KDSR: variants seen among roughly 807,000 people sequenced by gnomAD.
KDSR encodes the protein 3-dehydrosphinganine reductase.
Under a neutral mutation model 41.3 loss-of-function variants are expected in KDSR, and 23 were observed. That is an observed-to-expected ratio of 0.56 (90% CI 0.40 to 0.79). The LOEUF (loss-of-function observed/expected upper bound fraction) is 0.79. Among genes scored for constraint, KDSR ranks in the 30% least tolerant of loss-of-function variants. KDSR has a pLI of 0.00. For missense variants in KDSR, 351 were observed against 416.8 expected, an observed-to-expected ratio of 0.84 and a Z score of 1.37; for synonymous variants, 138 against 151.7, an observed-to-expected ratio of 0.91 and a Z score of 0.66.
At chr18:63,337,905 G>A (rs572248585) in intron 8 of KDSR, among the ~76,000 whole-genome samples, 1 of 152,178 alleles carries the variant, frequency 6.6e-6, no homozygotes, top group South Asian at 2.1e-4. Flanking sequence ...TCCAGCCTGG[G>A]CAACAAGAGC....
At chr18:63,351,149 T>C in intron 5 of KDSR, 70 bp from the exon 6 acceptor site, 1 of 1,315,618 alleles carries the variant, frequency 7.6e-7, no homozygotes, top group Non-Finnish European at 1.0e-6. Flanking sequence ...TTTAGTCTGC[T>C]TTCTGGATTT....
At position 63,330,552 on chromosome 18, in the gene KDSR, T is replaced by C. The variant is rs1913949255; in HGVS notation, c.*1230A>G. 4.3e-6 allele frequency: 1 copy of C among 231,766 alleles called. No individual in the cohort carries two copies. The highest frequency in any genetic ancestry group is 8.5e-6 in the Non-Finnish European group (1 of 117,200). 14.4% of individuals were successfully genotyped at this position (231,766 alleles called of 1,614,324 possible). A position where few individuals can be genotyped will look rare whatever the true frequency, so the allele number is the denominator to read the frequency against. On this transcript the variant is annotated 3_prime_UTR_variant, in exon 10 of 10. Transcript: ENST00000645214. ...GAGTGGGCTTCCTTAGCATGTGGTA[T>C]AAAAATAATGTCTGCAGGTTCAGTG... is the stretch of plus-strand genomic sequence containing the variant.
At chr18:63,353,404 C>CA (rs1259079385) in intron 5 of KDSR, among the ~76,000 whole-genome samples, 4 of 152,034 alleles carry the variant, frequency 2.6e-5, no homozygotes, top group Non-Finnish European at 5.9e-5. Context: ...TAGCAGACCA[C>CA]AAAAAACTAA....
rs1913928205 is a variant in KDSR at position 63,329,982 on chromosome 18, C to T, written c.*1800G>A. ...ATTTATGAAACCATTCTGGCATCAA[C>T]CCATCCTTACAAGCTGCAATGAAAT... On this transcript the variant is annotated 3_prime_UTR_variant, in exon 10 of 10. Coordinates refer to ENST00000645214, the MANE Select transcript of KDSR (RefSeq NM_002035.4). 1 of 188,880 alleles carries T rather than the reference C, an allele frequency of 5.3e-6. No homozygotes were observed. The highest frequency in any genetic ancestry group is 2.3e-5 in the African/African-American group (1 of 42,844). 11.7% of individuals were successfully genotyped at this position (188,880 alleles called of 1,614,324 possible).
intron 6 of KDSR, among the ~76,000 whole-genome samples, chr18:63,348,160 A>C (rs968255725): frequency 2.6e-5 from 4 of 151,742 alleles, no homozygotes; most frequent in African/African-American, 9.7e-5. Flanking sequence ...AAACAAAAAA[A>C]CGGTGAGGCA....
intron 9 of KDSR, among the ~76,000 whole-genome samples, chr18:63,334,154 C>T (rs911517160): frequency 6.6e-6 from 1 of 152,158 alleles, no homozygotes; most frequent in African/African-American, 2.4e-5. Context: ...ATGGCAAAGA[C>T]AGTAGGTACA....
Position 63,329,376 on chromosome 18 carries a change from G to T in KDSR, c.*2406C>A, listed in dbSNP as rs1913904808. 1 of 208,894 alleles carries T rather than the reference G, an allele frequency of 4.8e-6. No individual in the cohort carries two copies. The allele number at this position is 208,894 out of a possible 1,614,324, so 12.9% of individuals were successfully genotyped here. On this transcript the variant is annotated 3_prime_UTR_variant, in exon 10 of 10. Transcript: ENST00000645214. ...TCAGGGAAAATTAAGTCACAATGAA[G>T]TAGCATAAATATAAAGTACAATACT...
intron 3 of KDSR, chr18:63,359,471 C>T: frequency 2.8e-6 from 1 of 354,388 alleles, no homozygotes; most frequent in Non-Finnish European, 5.1e-6. Context: ...GTATAAAGTT[C>T]ATTAAAAAAA....
chr18:63,347,495 C>CAAAAAAAAAAA (rs36023779), intron 6 of KDSR, among the ~76,000 whole-genome samples: 10 of 56,966 alleles, frequency 1.8e-4, no homozygotes, highest in Non-Finnish European at 2.6e-4. Context: ...GACTCCATCT[C>CAAAAAAAAAAA]AAAAAAAAAA....
chr18:63,336,267 C>T (rs1007066764), intron 8 of KDSR, among the ~76,000 whole-genome samples: 11 of 152,188 alleles, frequency 7.2e-5, no homozygotes, highest in African/African-American at 1.7e-4. Context: ...TGAGCTCAAG[C>T]AATCCAGCCG....
At chr18:63,361,687 C>T (rs745667367) in intron 2 of KDSR, among the ~76,000 whole-genome samples, 7 of 151,910 alleles carry the variant, frequency 4.6e-5, no homozygotes, top group South Asian at 2.1e-4. Context: ...TGGTGGTGGG[C>T]GCCTGTAGTC....
At chr18:63,359,171 A>G (rs949996702) in intron 3 of KDSR, among the ~76,000 whole-genome samples, 6 of 128,294 alleles carry the variant, frequency 4.7e-5, no homozygotes, top group African/African-American at 1.5e-4. Context: ...AGATTGAGAC[A>G]CTGCCTCAAA....
At chr18:63,357,590 A>ATTTTTTTT (rs879287574) in intron 3 of KDSR, among the ~76,000 whole-genome samples, 1 of 95,236 alleles carries the variant, frequency 1.1e-5, no homozygotes, top group East Asian at 2.7e-4. Context: ...ATATATATAT[A>ATTTTTTTT]TATATTTTTT....
chr18:63,332,959 T>C (rs1367213103), intron 9 of KDSR, among the ~76,000 whole-genome samples: 1 of 151,626 alleles, frequency 6.6e-6, no homozygotes, highest in African/African-American at 2.4e-5. Context: ...CCTGAAGGAT[T>C]AGAAGTTGGC....
intron 1 of KDSR, chr18:63,366,719 C>T (rs571694563): frequency 8.9e-6 from 3 of 336,160 alleles, no homozygotes; most frequent in Non-Finnish European, 1.1e-5. Context: ...CATGGATTCA[C>T]GAGCAGCCAC....
intron 5 of KDSR, among the ~76,000 whole-genome samples, chr18:63,353,527 G>A (rs1164577754): frequency 6.6e-6 from 1 of 152,146 alleles, no homozygotes; most frequent in African/African-American, 2.4e-5. Flanking sequence ...GCATGGGGCT[G>A]AGACAGGAGT....
At chr18:63,348,925 G>A (rs1914589745) in intron 6 of KDSR, among the ~76,000 whole-genome samples, 1 of 152,194 alleles carries the variant, frequency 6.6e-6, no homozygotes, top group Non-Finnish European at 1.5e-5. Context: ...TGCATCATCT[G>A]CTGCAAAAGG....
intron 5 of KDSR, among the ~76,000 whole-genome samples, chr18:63,351,690 G>T (rs1172163366): frequency 6.6e-6 from 1 of 152,158 alleles, no homozygotes; most frequent in Non-Finnish European, 1.5e-5. Flanking sequence ...AGAACCACTG[G>T]CTCTCCCATT....
chr18:63,343,372 T>A (rs1914401628), intron 7 of KDSR, among the ~76,000 whole-genome samples: 1 of 151,310 alleles, frequency 6.6e-6, no homozygotes, highest in Admixed American at 6.6e-5. Flanking sequence ...AAATTTTTAT[T>A]TTTTTATTTT....
Sources: gnomAD v4.1 joint callset for allele counts (sites outside exome capture counted in the v4.1 genomes callset) on GRCh38, gnomAD v4.1.1 for gene constraint, MANE v1.5 for transcripts, NCBI Gene and HGNC (gene_info 2026-07-23, HGNC 2026-07-21) for gene names.